The following SCFD2 variants were observed in gnomAD, a reference collection of about 807,000 sequenced individuals.
SCFD2 encodes the protein sec1 family domain containing 2.
A neutral mutation model predicts 58.9 loss-of-function variants in SCFD2; 54 were observed. The ratio of observed to expected loss-of-function variants is 0.92; its 90% CI spans 0.74 to 1.15. SCFD2 has a LOEUF of 1.15. Among genes scored for constraint, SCFD2 ranks in the 50% most tolerant of loss-of-function variants. The pLI is 0.00. For missense variants in SCFD2, 805 were observed against 836.6 expected (o/e 0.96, Z 0.47); for synonymous variants, 321 against 335.9 (o/e 0.96, Z 0.49).
intron 2 of SCFD2, among the ~76,000 whole-genome samples, chr4:53,328,007 T>C (rs948663951): frequency 3.3e-5 from 5 of 151,916 alleles, no homozygotes; most frequent in African/African-American, 1.2e-4. Context: ...TGGTGGCATG[T>C]GCCTGTAGTC....
chr4:53,332,672 T>G (rs71626293), intron 2 of SCFD2, among the ~76,000 whole-genome samples: 2 of 152,006 alleles, frequency 1.3e-5, no homozygotes, highest in Admixed American at 6.6e-5. Flanking sequence ...GAAGCATTCC[T>G]TTTGAAAACT....
intron 5 of SCFD2, among the ~76,000 whole-genome samples, chr4:53,091,087 G>C (rs1434321999): frequency 1.3e-5 from 2 of 152,036 alleles, no homozygotes; most frequent in Non-Finnish European, 2.9e-5. Context: ...ATGCAAATGG[G>C]TGTTATACCA....
intron 8 of SCFD2, among the ~76,000 whole-genome samples, chr4:52,878,369 C>T (rs550342260): frequency 3.7e-4 from 56 of 152,286 alleles, no homozygotes; most frequent in African/African-American, 1.3e-3. Flanking sequence ...GTTTCCTCTC[C>T]ATTCGATGAA....
intron 5 of SCFD2, among the ~76,000 whole-genome samples, chr4:53,080,620 A>G (rs1177009531): frequency 6.6e-6 from 1 of 152,134 alleles, no homozygotes; most frequent in Non-Finnish European, 1.5e-5. Context: ...CTCTGGCCCA[A>G]AAAGAAGTAA....
intron 3 of SCFD2, among the ~76,000 whole-genome samples, chr4:53,295,230 G>A (rs1731985954): frequency 1.3e-5 from 2 of 152,122 alleles, no homozygotes; most frequent in Non-Finnish European, 1.5e-5. Context: ...ATTACTGTGG[G>A]CAGTATGATC....
At chr4:53,270,437 C>T (rs1333476798) in intron 4 of SCFD2, among the ~76,000 whole-genome samples, 1 of 152,074 alleles carries the variant, frequency 6.6e-6, no homozygotes, top group Non-Finnish European at 1.5e-5. Context: ...CATTTTCCTT[C>T]AAGTCAGGAA....
chr4:53,230,755 A>C (rs1347070075), intron 4 of SCFD2, among the ~76,000 whole-genome samples: 2 of 152,176 alleles, frequency 1.3e-5, no homozygotes, highest in Non-Finnish European at 2.9e-5. Flanking sequence ...CATGTACCCT[A>C]AAAGTTAAAG....
intron 2 of SCFD2, among the ~76,000 whole-genome samples, chr4:53,322,603 A>T (rs1387002474): frequency 6.6e-6 from 1 of 152,228 alleles, no homozygotes; most frequent in Admixed American, 6.5e-5. Context: ...TTCCTCTTAG[A>T]AAACAGTAAA....
At chr4:53,354,165 A>G (rs1233273371) in intron 1 of SCFD2, among the ~76,000 whole-genome samples, 1 of 152,204 alleles carries the variant, frequency 6.6e-6, no homozygotes, top group African/African-American at 2.4e-5. Flanking sequence ...CGGGCCCCAT[A>G]GGAGCCCACA....
At chr4:53,101,954 A>G (rs1195558994) in intron 5 of SCFD2, among the ~76,000 whole-genome samples, 1 of 152,222 alleles carries the variant, frequency 6.6e-6, no homozygotes, top group Non-Finnish European at 1.5e-5. Flanking sequence ...TATCAAGAAA[A>G]ACAATGAAAA....
intron 4 of SCFD2, among the ~76,000 whole-genome samples, chr4:53,225,854 T>TC (rs1560396180): frequency 6.6e-6 from 1 of 152,206 alleles, no homozygotes; most frequent in Non-Finnish European, 1.5e-5. Context: ...TTGGTGGCTT[T>TC]CCCCCTTTGT....
At chr4:53,044,326 G>A (rs1332723286) in intron 5 of SCFD2, among the ~76,000 whole-genome samples, 1 of 151,938 alleles carries the variant, frequency 6.6e-6, no homozygotes, top group Non-Finnish European at 1.5e-5. Context: ...GGCTTTCCCT[G>A]CTCAAACTGC....
chr4:52,982,572 T>C (rs1201632278), intron 5 of SCFD2, among the ~76,000 whole-genome samples: 3 of 152,236 alleles, frequency 2.0e-5, no homozygotes, highest in African/African-American at 7.2e-5. Context: ...GTATAAATAC[T>C]AGCATTCCTA....
At chr4:53,255,858 C>T (rs1487132059) in intron 4 of SCFD2, among the ~76,000 whole-genome samples, 1 of 149,522 alleles carries the variant, frequency 6.7e-6, no homozygotes, top group African/African-American at 2.5e-5. Flanking sequence ...CCCCCACCTC[C>T]ATCCCGGACG....
At chr4:53,082,478 C>T (rs947027492) in intron 5 of SCFD2, among the ~76,000 whole-genome samples, 34 of 152,054 alleles carry the variant, frequency 2.2e-4, no homozygotes, top group African/African-American at 8.2e-4. Flanking sequence ...TTTCATGCAC[C>T]TACTGGTTAT....
intron 4 of SCFD2, among the ~76,000 whole-genome samples, chr4:53,184,830 C>T (rs1577817050): frequency 1.3e-5 from 2 of 152,174 alleles, no homozygotes; most frequent in African/African-American, 2.4e-5. Flanking sequence ...TTCTTACTTG[C>T]TCTAATATAC....
intron 4 of SCFD2, among the ~76,000 whole-genome samples, chr4:53,255,753 C>T (rs540436474): frequency 0.027 from 4,031 of 151,522 alleles, 186 homozygotes; most frequent in African/African-American, 0.093. Flanking sequence ...GGGTGGTGGC[C>T]GGGCAGAGGG....
intron 5 of SCFD2, among the ~76,000 whole-genome samples, chr4:52,992,814 G>C (rs1274130596): frequency 2.0e-5 from 3 of 151,626 alleles, no homozygotes; most frequent in African/African-American, 7.3e-5. Context: ...CCGGGAGGGA[G>C]GTGGGGGATG....
chr4:53,255,933 TCAC>T, intron 4 of SCFD2, among the ~76,000 whole-genome samples: 1 of 143,950 alleles, frequency 6.9e-6, no homozygotes, highest in Non-Finnish European at 1.5e-5. Flanking sequence ...GAGGCGCCCC[TCAC>T]CTCCCGGATG....
Sources: gnomAD v4.1 joint callset for allele counts (sites outside exome capture counted in the v4.1 genomes callset) on GRCh38, gnomAD v4.1.1 for gene constraint, MANE v1.5 for transcripts, NCBI Gene and HGNC (gene_info 2026-07-23, HGNC 2026-07-21) for gene names.